Variants in MLPH observed in about 807,000 individuals in gnomAD.
MLPH encodes the protein exophilin-3.
A neutral mutation model predicts 72.1 loss-of-function variants in MLPH; 51 were observed. That is an observed-to-expected ratio of 0.71 (90% CI 0.56 to 0.89). The LOEUF (loss-of-function observed/expected upper bound fraction) is 0.89, where lower values mean the gene tolerates loss of function less well. Among genes scored for constraint, MLPH ranks in the 40% least tolerant of loss-of-function variants. The probability of loss-of-function intolerance (pLI) is 0.00; values close to 1 mark genes in which losing one functional copy is unlikely to be tolerated. For missense variants in MLPH, 743 were observed against 759.9 expected, an observed-to-expected ratio of 0.98 and a Z score of 0.26; for synonymous variants, 301 against 310.1, an observed-to-expected ratio of 0.97 and a Z score of 0.31.
Position 237,540,963 on chromosome 2 carries a change from C to T in MLPH, c.1446+6C>T. ...TCCAGCAGGCAGAGAGCGAGGTAGCCCAGAAGGCACAGGGGAGCACTGAGT... is the reference window on the plus strand; with the variant it reads ...TCCAGCAGGCAGAGAGCGAGGTAGCTCAGAAGGCACAGGGGAGCACTGAGT... On this transcript the variant is annotated splice_donor_region_variant and intron_variant, in intron 11 of 15. Coordinates refer to ENST00000264605, the MANE Select transcript of MLPH (RefSeq NM_024101.7). The T allele has an allele frequency of 6.3e-7, 1 of 1,598,802 alleles. No homozygotes were observed. The highest frequency in any genetic ancestry group is 8.5e-7 in the Non-Finnish European group (1 of 1,173,596).
chr2:237,515,099 A>G (rs1311968438), intron 4 of MLPH, among the ~76,000 whole-genome samples: 1 of 152,174 alleles, frequency 6.6e-6, no homozygotes, highest in Non-Finnish European at 1.5e-5. Context: ...TTTCCAACCC[A>G]TGTAAAAGAT....
intron 9 of MLPH, among the ~76,000 whole-genome samples, chr2:237,538,762 G>A (rs2080595809): frequency 6.6e-6 from 1 of 152,182 alleles, no homozygotes; most frequent in Admixed American, 6.5e-5. Context: ...GTCTATTCTG[G>A]GGTGGTGTAT....
At chr2:237,498,744 G>C (rs2079587331) in intron 2 of MLPH, among the ~76,000 whole-genome samples, 1 of 152,250 alleles carries the variant, frequency 6.6e-6, no homozygotes, top group Non-Finnish European at 1.5e-5. Flanking sequence ...GGAATGGGCT[G>C]TTTGCTATAT....
intron 9 of MLPH, among the ~76,000 whole-genome samples, chr2:237,538,672 C>G (rs915569594): frequency 1.3e-5 from 2 of 152,180 alleles, no homozygotes; most frequent in Non-Finnish European, 2.9e-5. Flanking sequence ...CCACCCCCAA[C>G]ACACACACAA....
chr2:237,505,542 A>G lies in MLPH; in HGVS notation c.111-5032A>G, dbSNP rs2079749674. 6.6e-6 allele frequency among the ~76,000 whole-genome samples: 1 copy of G among 152,136 alleles called. No individual in the cohort carries two copies. Among genetic ancestry groups the G allele is most frequent in the African/African-American group, 2.4e-5 (1 of 41,424 alleles). On this transcript the variant is annotated intron_variant, in intron 2 of 15. Transcript: ENST00000264605. This position sits in a 1 kb window ranked among gnomAD's most constrained non-coding sequence, Gnocchi z 4.5. ...GGGAGCTTCCCCCTGCTGTGCCTTC[A>G]GGGGTGGCCACCAGCCCCGCCATCC...
chr2:237,553,090 T>C (rs1472010596), intron 15 of MLPH: 4 of 471,792 alleles, frequency 8.5e-6, no homozygotes, highest in South Asian at 3.1e-5. Context: ...GGTTATACTC[T>C]ATGCAGATGA....
rs1487480475 is a variant in MLPH, at chr2:237,541,134, C to T, written c.1446+177C>T. The stretch of plus-strand genomic sequence containing the variant: ...AACCTGGGGGTTTCTGGGGGACTCA[C>T]CTAATTCGCCACCCCCTGAGCCCTC... On this transcript the variant is annotated intron_variant, in intron 11 of 15. Coordinates refer to ENST00000264605, the MANE Select transcript of MLPH (RefSeq NM_024101.7). This position sits in a 1 kb window ranked among gnomAD's most constrained non-coding sequence, Gnocchi z 5.1. Among the ~76,000 whole-genome samples the T allele has an allele frequency of 1.3e-5, 2 of 152,334 alleles. No homozygotes were observed. The highest frequency in any genetic ancestry group is 3.4e-3 in the Middle Eastern group (1 of 294).
chr2:237,541,970 G>A lies in MLPH; in HGVS notation c.1447-597G>A, dbSNP rs1242480559. 1.3e-5 allele frequency among the ~76,000 whole-genome samples: 2 copies of A among 152,238 alleles called. No individual in the cohort carries two copies. The highest frequency in any genetic ancestry group is 2.4e-5 in the African/African-American group (1 of 41,460). ...AGGGAGCAGCCCGTGCCAAGGCCCT[G>A]GGGTGGCAGTGGGCTTGGTGCCTGC... On this transcript the variant is annotated intron_variant, in intron 11 of 15. Coordinates refer to ENST00000264605, the MANE Select transcript of MLPH (RefSeq NM_024101.7). This position sits in a 1 kb window ranked among gnomAD's most constrained non-coding sequence, Gnocchi z 5.1.
chr2:237,515,155 G>A (rs899121455), intron 4 of MLPH, among the ~76,000 whole-genome samples: 4 of 152,194 alleles, frequency 2.6e-5, no homozygotes, highest in African/African-American at 9.6e-5. Context: ...GCTTCCCAAG[G>A]CCCAGTCGAT....
In MLPH at chr2:237,527,365, C is replaced by T. The variant is rs751250671; in HGVS notation, c.881-12C>T. 1 of 1,614,210 alleles carries T rather than the reference C, an allele frequency of 6.2e-7. No individual in the cohort carries two copies. Among genetic ancestry groups the T allele is most frequent in the Non-Finnish European group, 8.5e-7 (1 of 1,180,040 alleles). ...TCACTGCAAGTAATTCAAACCCACT[C>T]TCGCTCTGAAGGGTCGAATGTCATC... On this transcript the variant is annotated splice_polypyrimidine_tract_variant and intron_variant, in intron 7 of 15. Coordinates refer to ENST00000264605, the MANE Select transcript of MLPH (RefSeq NM_024101.7).
intron 5 of MLPH, among the ~76,000 whole-genome samples, chr2:237,519,507 C>G (rs1559353528): frequency 6.6e-6 from 1 of 152,210 alleles, no homozygotes; most frequent in Non-Finnish European, 1.5e-5. Flanking sequence ...CTATCAGGAG[C>G]TTGCCCACCT....
intron 6 of MLPH, among the ~76,000 whole-genome samples, chr2:237,523,232 G>T (rs1474686217): frequency 6.6e-6 from 1 of 152,130 alleles, no homozygotes; most frequent in Non-Finnish European, 1.5e-5. Flanking sequence ...ATCGTTGTAG[G>T]GATGACTGTA....
chr2:237,552,569 G>A, intron 15 of MLPH, 132 bp downstream of exon 15: 6 of 758,066 alleles, frequency 7.9e-6, no homozygotes, highest in Admixed American at 7.9e-5. Context: ...GAGAATCAAA[G>A]CAAAAAGTAA....
chr2:237,497,762 C>T (rs2079564769), intron 2 of MLPH, among the ~76,000 whole-genome samples: 1 of 152,222 alleles, frequency 6.6e-6, no homozygotes, highest in South Asian at 2.1e-4. Flanking sequence ...TAACCAATTT[C>T]AACATGAACA....
At chr2:237,515,649 C>T (rs539262607) in intron 4 of MLPH, among the ~76,000 whole-genome samples, 1 of 152,268 alleles carries the variant, frequency 6.6e-6, no homozygotes, top group Non-Finnish European at 1.5e-5. Context: ...TGCAGGAGTG[C>T]CTGCATCCCC....
intron 2 of MLPH, among the ~76,000 whole-genome samples, chr2:237,496,727 G>C (rs562957621): frequency 6.9e-4 from 105 of 152,322 alleles, no homozygotes; most frequent in Non-Finnish European, 1.3e-3. Flanking sequence ...GGGGGGGCTT[G>C]TTAAGTCCCC....
At chr2:237,535,378 C>T (rs996088861) in intron 9 of MLPH, among the ~76,000 whole-genome samples, 9 of 152,068 alleles carry the variant, frequency 5.9e-5, no homozygotes, top group Admixed American at 5.2e-4. Context: ...CACTGGGGAT[C>T]GAGTTCCCAA....
chr2:237,525,512 C>T (rs2080282904), intron 6 of MLPH, 89 bp from the exon 7 acceptor site: 2 of 1,372,358 alleles, frequency 1.5e-6, no homozygotes, highest in East Asian at 4.7e-5. Flanking sequence ...CCTGGAAAGC[C>T]TCAGGGCTTG....
intron 13 of MLPH, among the ~76,000 whole-genome samples, chr2:237,547,780 G>A (rs970043093): frequency 6.0e-5 from 9 of 149,160 alleles, no homozygotes; most frequent in African/African-American, 2.0e-4. Flanking sequence ...GTTGCTCCCC[G>A]TGTTCAGGTG....
Sources: gnomAD v4.1 joint callset for allele counts (sites outside exome capture counted in the v4.1 genomes callset) on GRCh38, gnomAD v4.1.1 for gene constraint, Gnocchi (gnomAD v3.1) non-coding constraint, MANE v1.5 for transcripts, NCBI Gene and HGNC (gene_info 2026-07-23, HGNC 2026-07-21) for gene names.